Variants in DHX38 observed in about 807,000 individuals in gnomAD.
The protein encoded by DHX38 is DEAH-box helicase 38, also known as pre-mRNA-splicing factor ATP-dependent RNA helicase PRP16.
DHX38 carries 100 observed loss-of-function variants against 153.1 expected under a neutral mutation model. That is an observed-to-expected ratio of 0.65 (90% CI 0.56 to 0.77). DHX38 has a LOEUF of 0.77. DHX38 is among the 30% of genes least tolerant of loss of function. The pLI is 0.00. For synonymous variants in DHX38, 650 were observed against 631.7 expected, an observed-to-expected ratio of 1.03 and a Z score of -0.43; for missense variants, 1,440 against 1,654.0, an observed-to-expected ratio of 0.87 and a Z score of 2.24.
At chr16:72,095,071 A>G (rs2041991402) in intron 1 of DHX38, among the ~76,000 whole-genome samples, 1 of 152,240 alleles carries the variant, frequency 6.6e-6, no homozygotes, top group African/African-American at 2.4e-5. Context: ...AGAGCTGTGC[A>G]TTTAATTAGA....
rs143402783 is a variant in DHX38 at position 72,105,513 on chromosome 16, C to T, written c.2380-4C>T. 3 of 1,614,150 alleles carry T rather than the reference C, an allele frequency of 1.9e-6. No individual in the cohort carries two copies. The highest frequency in any genetic ancestry group is 4.5e-5 in the East Asian group (2 of 44,880). On this transcript the variant is annotated splice_region_variant and splice_polypyrimidine_tract_variant and intron_variant, in intron 17 of 26. Coordinates refer to ENST00000268482, the MANE Select transcript of DHX38 (RefSeq NM_014003.4). ...TTTTTCCCTTCCTGTATGTCCTGCT[C>T]TAGGCTCCAGATGGCGTTCGGAAGT... is the stretch of plus-strand genomic sequence containing the variant.
intron 5 of DHX38, 36 bp downstream of exon 5, chr16:72,098,828 G>A: frequency 6.2e-7 from 1 of 1,613,212 alleles, no homozygotes; most frequent in Non-Finnish European, 8.5e-7. Flanking sequence ...GTTTCGCTGG[G>A]TGGGCGGTAA....
chr16:72,095,341 G>A (rs2041996518), intron 1 of DHX38, among the ~76,000 whole-genome samples: 1 of 152,138 alleles, frequency 6.6e-6, no homozygotes. Flanking sequence ...AACTGATTTT[G>A]GCTGCTGTGA....
chr16:72,095,160 A>G (rs1282689724), intron 1 of DHX38, among the ~76,000 whole-genome samples: 1 of 152,382 alleles, frequency 6.6e-6, no homozygotes, highest in East Asian at 1.9e-4. Flanking sequence ...TTATCCAAGC[A>G]TCCAGAACTG....
intron 25 of DHX38, among the ~76,000 whole-genome samples, chr16:72,109,938 G>A (rs889833763): frequency 2.0e-5 from 3 of 151,844 alleles, no homozygotes; most frequent in African/African-American, 4.8e-5. Context: ...TGACTAAAAG[G>A]ACTTAAAATT....
intron 1 of DHX38, 67 bp from the exon 2 acceptor site, chr16:72,096,072 T>G: frequency 6.8e-7 from 1 of 1,473,662 alleles, no homozygotes; most frequent in South Asian, 1.3e-5. Flanking sequence ...TAACCATAAC[T>G]GCATTTATTG....
At chr16:72,101,703 T>C (rs2042103989) in intron 11 of DHX38, 91 bp downstream of exon 11, 4 of 1,015,708 alleles carry the variant, frequency 3.9e-6, no homozygotes, top group South Asian at 1.4e-5. Context: ...ACTTTGTGGC[T>C]CCTGAGTGGG....
intron 26 of DHX38, chr16:72,112,165 T>G: frequency 1.8e-6 from 1 of 563,136 alleles, no homozygotes; most frequent in Non-Finnish European, 3.2e-6. Context: ...GTAGCTCCCC[T>G]AGGGACTGTG....
intron 6 of DHX38, 61 bp downstream of exon 6, chr16:72,099,106 G>A (rs2144138864): frequency 1.9e-6 from 3 of 1,603,808 alleles, no homozygotes; most frequent in African/African-American, 2.7e-5. Context: ...AGGATGAGCA[G>A]GGGCTGCCCT....
At chr16:72,102,564 T>C (rs540048015) in intron 11 of DHX38, among the ~76,000 whole-genome samples, 1 of 152,324 alleles carries the variant, frequency 6.6e-6, no homozygotes, top group East Asian at 1.9e-4. Context: ...TGGGGCTGTT[T>C]TCACAGTTCT....
chr16:72,110,700 A>T (rs1272449614), intron 25 of DHX38, among the ~76,000 whole-genome samples: 1 of 152,206 alleles, frequency 6.6e-6, no homozygotes, highest in Non-Finnish European at 1.5e-5. Flanking sequence ...GATTTTTCAA[A>T]AAAGAAGGAA....
chr16:72,105,975 C>G (rs770515823), intron 18 of DHX38, 30 bp from the exon 19 acceptor site: 2 of 1,603,412 alleles, frequency 1.2e-6, no homozygotes, highest in East Asian at 4.5e-5. Context: ...TCACTCTGTC[C>G]TTCGTCAGCT....
At chr16:72,098,815 C>A (rs964934538) in intron 5 of DHX38, 23 bp downstream of exon 5, 5 of 1,613,294 alleles carry the variant, frequency 3.1e-6, no homozygotes, top group Non-Finnish European at 4.2e-6. Flanking sequence ...GCAGAGCAGC[C>A]CAGTTTCGCT....
Position 72,105,299 on chromosome 16 carries a change from C to G in DHX38, c.2330C>G (p.Pro777Arg). The G allele has an allele frequency of 6.2e-7, 1 of 1,614,122 alleles. No homozygotes were observed. The highest frequency in any genetic ancestry group is 8.5e-7 in the Non-Finnish European group (1 of 1,180,014). ...LENAPALAVLPIYSQLPSDLQ... is the reference protein window; with the variant it reads ...LENAPALAVLRIYSQLPSDLQ... ...AACGCGCCTGCCCTGGCTGTGCTGCCCATCTACTCTCAGCTGCCTTCTGAC... is the reference window on the plus strand; with the variant it reads ...AACGCGCCTGCCCTGGCTGTGCTGCGCATCTACTCTCAGCTGCCTTCTGAC... Residue 777 changes from proline (P) to arginine (R), a missense_variant, in exon 17 of 27, where the codon CCC becomes CGC. Transcript: ENST00000268482.
At chr16:72,100,629 GC>G (rs1229340449) in intron 9 of DHX38, 32 bp downstream of exon 9, 2 of 1,608,288 alleles carry the variant, frequency 1.2e-6, no homozygotes, top group Non-Finnish European at 1.7e-6. Context: ...GGACAAGACA[GC>G]TCAGAGAGAC....
chr16:72,105,789 A>G (rs1405861052), intron 18 of DHX38, among the ~76,000 whole-genome samples, 165 bp downstream of exon 18: 4 of 151,788 alleles, frequency 2.6e-5, no homozygotes, highest in Admixed American at 2.0e-4. Flanking sequence ...GGTTTGTTTA[A>G]CCCTTGTAAT....
chr16:72,100,696 T>C (rs898382222), intron 9 of DHX38, 99 bp downstream of exon 9: 18 of 1,504,456 alleles, frequency 1.2e-5, no homozygotes, highest in Non-Finnish European at 9.9e-6. Context: ...TTTGGGAGGC[T>C]GAGGAGGGTG....
intron 12 of DHX38, 45 bp from the exon 13 acceptor site, chr16:72,103,557 C>T: frequency 1.3e-6 from 2 of 1,578,196 alleles, no homozygotes; most frequent in Non-Finnish European, 1.7e-6. Context: ...TGGGTGTTGG[C>T]CTTCCACTTC....
At chr16:72,094,688 C>A (rs1042350863) in intron 1 of DHX38, among the ~76,000 whole-genome samples, 12 of 152,200 alleles carry the variant, frequency 7.9e-5, no homozygotes, top group African/African-American at 2.4e-4. Context: ...TCTCCTTGTC[C>A]TGTGTTGCTG....
Sources: gnomAD v4.1 joint callset for allele counts (sites outside exome capture counted in the v4.1 genomes callset) on GRCh38, gnomAD v4.1.1 for gene constraint, MANE v1.5 for transcripts, NCBI Gene and HGNC (gene_info 2026-07-23, HGNC 2026-07-21) for gene names.